Variants in TTLL5 observed in about 807,000 individuals in gnomAD.
The protein encoded by TTLL5 is tubulin polyglutamylase TTLL5.
Under a neutral mutation model 168.4 loss-of-function variants are expected in TTLL5, and 132 were observed. The ratio of observed to expected loss-of-function variants is 0.78; its 90% CI spans 0.68 to 0.91. TTLL5 has a LOEUF of 0.91. Among genes scored for constraint, TTLL5 ranks in the 40% least tolerant of loss-of-function variants. The pLI, the probability that TTLL5 is intolerant of heterozygous loss-of-function variation, is 0.00. For missense variants in TTLL5, 1,545 were observed against 1,581.5 expected (o/e 0.98, Z 0.39); for synonymous variants, 546 against 558.6 (o/e 0.98, Z 0.32).
chr14:75,775,165 A>T (rs190893310), intron 21 of TTLL5, among the ~76,000 whole-genome samples: 1 of 151,786 alleles, frequency 6.6e-6, no homozygotes, highest in South Asian at 2.1e-4. Flanking sequence ...TTTGAATGCT[A>T]CCTTCCCTAA....
chr14:75,895,157 G>A (rs958773476), intron 30 of TTLL5, among the ~76,000 whole-genome samples: 2 of 152,108 alleles, frequency 1.3e-5, no homozygotes, highest in Admixed American at 6.5e-5. Context: ...TGTCATGGGC[G>A]AAATGATCTA....
intron 30 of TTLL5, among the ~76,000 whole-genome samples, chr14:75,901,127 A>C (rs2032904680): frequency 6.6e-6 from 1 of 152,216 alleles, no homozygotes; most frequent in African/African-American, 2.4e-5. Context: ...ACCCAACAAA[A>C]ATATTATATT....
chr14:75,809,126 AG>A (rs1411481471), intron 27 of TTLL5, among the ~76,000 whole-genome samples: 4 of 152,152 alleles, frequency 2.6e-5, no homozygotes, highest in African/African-American at 7.2e-5. Flanking sequence ...TGGATTCAGA[AG>A]TCTCTTGGAG....
At chr14:75,815,499 C>G (rs1354184646) in intron 27 of TTLL5, among the ~76,000 whole-genome samples, 1 of 152,208 alleles carries the variant, frequency 6.6e-6, no homozygotes, top group Non-Finnish European at 1.5e-5. Flanking sequence ...AAAGTAATTT[C>G]ATGATCAAGT....
intron 15 of TTLL5, among the ~76,000 whole-genome samples, chr14:75,743,536 T>C (rs1889393982): frequency 6.8e-6 from 1 of 147,152 alleles, no homozygotes; most frequent in African/African-American, 2.5e-5. Flanking sequence ...AGCTGGGGTC[T>C]GGGGGAGAGA....
chr14:75,817,811 CTTTCT>C (rs1566617067), intron 27 of TTLL5, among the ~76,000 whole-genome samples: 3 of 123,204 alleles, frequency 2.4e-5, no homozygotes, highest in Non-Finnish European at 3.6e-5. Flanking sequence ...CACAACCATT[CTTTCT>C]TTTCTTTTCT....
chr14:75,817,237 C>T (rs1894481609), intron 27 of TTLL5, among the ~76,000 whole-genome samples: 1 of 151,814 alleles, frequency 6.6e-6, no homozygotes, highest in African/African-American at 2.4e-5. Flanking sequence ...CTTGGCCTCC[C>T]AAAGTGCTGG....
At chr14:75,764,338 C>A (rs1373143651) in intron 18 of TTLL5, among the ~76,000 whole-genome samples, 1 of 152,130 alleles carries the variant, frequency 6.6e-6, no homozygotes, top group Non-Finnish European at 1.5e-5. Context: ...ACTTTATAAT[C>A]CCTGCAGTAA....
intron 31 of TTLL5, among the ~76,000 whole-genome samples, chr14:75,928,852 T>G (rs115237213): frequency 1.3e-5 from 2 of 152,170 alleles, no homozygotes; most frequent in African/African-American, 2.4e-5. Flanking sequence ...AATCCTGCTA[T>G]TTCATTTCCC....
chr14:75,952,758 C>T (rs1359540237), intron 31 of TTLL5, among the ~76,000 whole-genome samples: 1 of 152,056 alleles, frequency 6.6e-6, no homozygotes, highest in Non-Finnish European at 1.5e-5. Flanking sequence ...GAAGCCAGTC[C>T]CGAAGGATCA....
At position 75,734,691 on chromosome 14, in the gene TTLL5, C is replaced by T. The variant is rs1047655127; in HGVS notation, c.1187-504C>T. ...GAAGTAAGTGAAATTAGCTGAAGTCCAATTTCCAAAGCCATAGATAATCTA... is the reference window on the plus strand; with the variant it reads ...GAAGTAAGTGAAATTAGCTGAAGTCTAATTTCCAAAGCCATAGATAATCTA... On this transcript the variant is annotated intron_variant, in intron 14 of 31. Transcript: ENST00000298832. Among the ~76,000 whole-genome samples the T allele has an allele frequency of 2.6e-5, 4 of 152,160 alleles. No individual in the cohort carries two copies. In the East Asian group the frequency reaches 7.7e-4, roughly 29 times the overall value.
At chr14:75,887,509 C>G (rs950456562) in intron 30 of TTLL5, among the ~76,000 whole-genome samples, 1 of 152,146 alleles carries the variant, frequency 6.6e-6, no homozygotes, top group Non-Finnish European at 1.5e-5. Flanking sequence ...ACAGGCTTCT[C>G]TACATTATGC....
intron 31 of TTLL5, among the ~76,000 whole-genome samples, chr14:75,923,190 T>C (rs921775959): frequency 1.7e-4 from 26 of 152,206 alleles, no homozygotes; most frequent in Non-Finnish European, 3.7e-4. Flanking sequence ...TTTGAAGAGT[T>C]TTTTGTGTCT....
chr14:75,769,335 CATT>C (rs1891145072), intron 20 of TTLL5, among the ~76,000 whole-genome samples: 1 of 152,168 alleles, frequency 6.6e-6, no homozygotes, highest in African/African-American at 2.4e-5. Flanking sequence ...AGGATCGCGT[CATT>C]GTTGCATATC....
At chr14:75,891,745 A>G (rs1232162502) in intron 30 of TTLL5, among the ~76,000 whole-genome samples, 3 of 152,218 alleles carry the variant, frequency 2.0e-5, no homozygotes, top group East Asian at 3.8e-4. Context: ...AGAGTAGCGT[A>G]TGGGAGACAG....
In TTLL5 at chr14:75,735,200, G is replaced by C; in HGVS notation, c.1192G>C (p.Val398Leu). Residue 398 changes from valine to leucine, a missense_variant, in exon 15 of 32, where the codon GTG (valine) becomes CTG (leucine). Coordinates refer to ENST00000298832, the MANE Select transcript of TTLL5 (RefSeq NM_015072.5). ...GTTGCCCATTCCCCATTCAGGATTTGTGTGCCAAGATCCTGCCCAGCGGGC... is the reference window on the plus strand; with the variant it reads ...GTTGCCCATTCCCCATTCAGGATTTCTGTGCCAAGATCCTGCCCAGCGGGC... ...ISDMFTVVGF[V>L]CQDPAQRAST... 6.2e-7 allele frequency: 1 copy of C among 1,614,160 alleles called. No homozygotes were observed. Among genetic ancestry groups the C allele is most frequent in the Non-Finnish European group, 8.5e-7 (1 of 1,179,968 alleles).
At chr14:75,762,390 G>T (rs112627029) in intron 18 of TTLL5, among the ~76,000 whole-genome samples, 2,285 of 152,162 alleles carry the variant, frequency 0.015, 57 homozygotes, top group African/African-American at 0.052. Flanking sequence ...GCAAGACTCC[G>T]TCTCAAAATA....
chr14:75,669,742 TA>T (rs199659027), intron 3 of TTLL5, among the ~76,000 whole-genome samples: 1,963 of 151,726 alleles, frequency 0.013, 40 homozygotes, highest in African/African-American at 0.044. Flanking sequence ...GTTTTTTTTT[TA>T]ATTGTGGTAA....
At chr14:75,939,182 C>T (rs1010428469) in intron 31 of TTLL5, among the ~76,000 whole-genome samples, 2 of 152,176 alleles carry the variant, frequency 1.3e-5, no homozygotes, top group Admixed American at 6.5e-5. Flanking sequence ...CCCCTGCCTC[C>T]CCACCCCAGT....
Sources: gnomAD v4.1 joint callset for allele counts (sites outside exome capture counted in the v4.1 genomes callset) on GRCh38, gnomAD v4.1.1 for gene constraint, MANE v1.5 for transcripts, NCBI Gene and HGNC (gene_info 2026-07-23, HGNC 2026-07-21) for gene names.